SIPA1L2: variants seen among roughly 807,000 people sequenced by gnomAD.
SIPA1L2 encodes the protein signal induced proliferation associated 1 like 2.
SIPA1L2 carries 56 observed loss-of-function variants against 163.9 expected under a neutral mutation model. The ratio of observed to expected loss-of-function variants is 0.34; its 90% CI spans 0.28 to 0.43. SIPA1L2 has a LOEUF of 0.43. Ranked by LOEUF, SIPA1L2 falls within the 20% of genes least tolerant of loss-of-function variation. The pLI is 1.00. For missense variants in SIPA1L2, 1,974 were observed against 2,193.5 expected (o/e 0.90, Z 2.00); for synonymous variants, 877 against 865.7 (o/e 1.01, Z -0.23).
intron 16 of SIPA1L2, 68 bp from the exon 17 acceptor site, chr1:232,428,632 C>A: frequency 7.9e-7 from 1 of 1,273,504 alleles, no homozygotes; most frequent in Non-Finnish European, 1.0e-6. Context: ...AGAATTAAAA[C>A]CTAGGAAGCA....
At chr1:232,540,716 G>A (rs1657603886) in intron 2 of SIPA1L2, among the ~76,000 whole-genome samples, 1 of 151,902 alleles carries the variant, frequency 6.6e-6, no homozygotes, top group Admixed American at 6.6e-5. Flanking sequence ...AAAGAAATCA[G>A]GCAAATGCAA....
At position 232,432,240 on chromosome 1, in the gene SIPA1L2, A is replaced by G. The variant is rs780520105; in HGVS notation, c.4256+7T>C. 1.2e-6 allele frequency: 2 copies of G among 1,612,432 alleles called. No homozygotes were observed. The highest frequency in any genetic ancestry group is 2.7e-5 in the African/African-American group (2 of 74,924). ...GCTGACCAGAGAAGAACAGCCAGCC[A>G]CCTTACCCGGGACATTCAGTCACTT... On this transcript the variant is annotated splice_region_variant and intron_variant, in intron 16 of 22. Transcript: ENST00000674635.
rs1224829656 is a variant in SIPA1L2 at position 232,630,042 on chromosome 1, G to C, written c.-492C>G. 6.7e-6 allele frequency among the ~76,000 whole-genome samples: 1 copy of C among 149,970 alleles called. No homozygotes were observed. Among genetic ancestry groups the C allele is most frequent in the Non-Finnish European group, 1.5e-5 (1 of 67,230 alleles). On this transcript the variant is annotated 5_prime_UTR_variant, in exon 1 of 23. Coordinates refer to ENST00000674635, the MANE Select transcript of SIPA1L2 (RefSeq NM_020808.5). ...CCCGCTGGCTGCGGCTGGAGCTCTC[G>C]GCCTGCGCTCGGGCGGCCGGCGGGG... is the stretch of plus-strand genomic sequence containing the variant.
chr1:232,624,008 ATCT>A (rs1374157130), intron 1 of SIPA1L2, among the ~76,000 whole-genome samples: 8 of 152,126 alleles, frequency 5.3e-5, no homozygotes, highest in Admixed American at 5.2e-4. Flanking sequence ...TTTAATATTA[ATCT>A]TCTTAAAATG....
chr1:232,581,403 G>A (rs1280494686), intron 1 of SIPA1L2, among the ~76,000 whole-genome samples: 1 of 152,174 alleles, frequency 6.6e-6, no homozygotes, highest in African/African-American at 2.4e-5. Context: ...ATAGATCACA[G>A]AGAAAGGGCT....
intron 2 of SIPA1L2, among the ~76,000 whole-genome samples, chr1:232,531,976 C>T (rs1473421690): frequency 6.6e-6 from 1 of 152,130 alleles, no homozygotes; most frequent in Non-Finnish European, 1.5e-5. Flanking sequence ...GGGCTCAGAT[C>T]CGGGAGGGAC....
chr1:232,445,871 C>T (rs1294047432), intron 10 of SIPA1L2, 85 bp from the exon 11 acceptor site: 1 of 1,495,210 alleles, frequency 6.7e-7, no homozygotes, highest in Admixed American at 1.9e-5. Flanking sequence ...CCCCTCAACA[C>T]ACATCACATG....
At chr1:232,506,914 A>G (rs577562200) in intron 3 of SIPA1L2, among the ~76,000 whole-genome samples, 1 of 152,292 alleles carries the variant, frequency 6.6e-6, no homozygotes, top group South Asian at 2.1e-4. Flanking sequence ...TTATTTCAGA[A>G]TTCTTTTAGA....
chr1:232,542,862 C>G (rs1044471356), intron 2 of SIPA1L2, among the ~76,000 whole-genome samples: 2 of 152,208 alleles, frequency 1.3e-5, no homozygotes, highest in Non-Finnish European at 2.9e-5. Context: ...ATATACTCCT[C>G]TCTGTGTGTC....
chr1:232,630,097 C>T lies in SIPA1L2; in HGVS notation c.-547G>A, dbSNP rs1433187077. Among the ~76,000 whole-genome samples, 1 of 151,054 alleles carries T rather than the reference C, an allele frequency of 6.6e-6. No individual in the cohort carries two copies. Among genetic ancestry groups the T allele is most frequent in the South Asian group, 2.1e-4 (1 of 4,832 alleles). On this transcript the variant is annotated 5_prime_UTR_variant, in exon 1 of 23. Coordinates refer to ENST00000674635, the MANE Select transcript of SIPA1L2 (RefSeq NM_020808.5). The stretch of plus-strand genomic sequence containing the variant: ...GGTGCTCCTCCTCCGTCCTCCTCCT[C>T]CTCTCGCTCCGCCAGCTCCTCCCGG...
At chr1:232,498,410 T>C (rs921941637) in intron 3 of SIPA1L2, among the ~76,000 whole-genome samples, 8 of 152,214 alleles carry the variant, frequency 5.3e-5, no homozygotes, top group African/African-American at 1.9e-4. Context: ...GGAACTTACA[T>C]GGCAAGAGAC....
intron 1 of SIPA1L2, among the ~76,000 whole-genome samples, chr1:232,584,913 T>C (rs1397652451): frequency 6.6e-6 from 1 of 152,254 alleles, no homozygotes; most frequent in Non-Finnish European, 1.5e-5. Context: ...GTTATATAAC[T>C]ATGTTGCCAT....
chr1:232,607,501 T>C (rs181058704), intron 1 of SIPA1L2, among the ~76,000 whole-genome samples: 25 of 152,220 alleles, frequency 1.6e-4, no homozygotes, highest in Non-Finnish European at 2.4e-4. Flanking sequence ...GTGGGGTAAA[T>C]TGCCCATCCC....
chr1:232,429,363 G>A (rs1662091758), intron 16 of SIPA1L2, among the ~76,000 whole-genome samples: 1 of 152,190 alleles, frequency 6.6e-6, no homozygotes, highest in Admixed American at 6.5e-5. Context: ...GCTGGAGAAT[G>A]ACCTGAATGT....
chr1:232,413,609 TA>T (rs1661080266), intron 19 of SIPA1L2, among the ~76,000 whole-genome samples: 1 of 152,220 alleles, frequency 6.6e-6, no homozygotes, highest in Non-Finnish European at 1.5e-5. Context: ...CTGGGCTGTG[TA>T]AAACTGTGTG....
At chr1:232,498,454 A>G (rs1666308846) in intron 3 of SIPA1L2, among the ~76,000 whole-genome samples, 1 of 152,210 alleles carries the variant, frequency 6.6e-6, no homozygotes, top group South Asian at 2.1e-4. Context: ...AAATTTCCAA[A>G]TTTCTAAAAA....
chr1:232,439,368 GTA>G lies in SIPA1L2; in HGVS notation c.3769_3770del (p.Tyr1257HisfsTer42). The G allele has an allele frequency of 6.2e-7, 1 of 1,614,204 alleles. No homozygotes were observed. The highest frequency in any genetic ancestry group is 8.5e-7 in the Non-Finnish European group (1 of 1,180,038). ...CACTGTCGGTGGAGGCCCCTTTGAT[GTA>G]GGTCAGCCCCAGTAATTCGGGGTCC... ...LMDPELLGLT[Y>X]IKGASTDSGI... On this transcript the variant is annotated frameshift_variant, in exon 15 of 23. Coordinates refer to ENST00000674635, the MANE Select transcript of SIPA1L2 (RefSeq NM_020808.5). LOFTEE classifies it high-confidence loss of function.
chr1:232,439,345 C>T lies in SIPA1L2; in HGVS notation c.3794G>A (p.Ser1265Asn). 6.2e-7 allele frequency: 1 copy of T among 1,614,234 alleles called. No homozygotes were observed. Among genetic ancestry groups the T allele is most frequent in the Non-Finnish European group, 8.5e-7 (1 of 1,180,040 alleles). ...LTYIKGASTD[S>N]GIDTAPCMPA... ...CATGCAGGGGGCCGTGTCGATGCCA[C>T]TGTCGGTGGAGGCCCCTTTGATGTA... Residue 1265 changes from serine (S) to asparagine (N), a missense_variant, in exon 15 of 23, where the codon AGT becomes AAT. Ser to Asn is a conservative substitution (Grantham distance 46, BLOSUM62 1). This residue lies in a region of SIPA1L2 where 1,079 missense variants were observed against 1,150.7 expected (regional missense o/e 0.94). Transcript: ENST00000674635.
At position 232,402,426 on chromosome 1, in the gene SIPA1L2, A is replaced by G; in HGVS notation, c.4988T>C (p.Leu1663Ser). 1 of 1,613,736 alleles carries G rather than the reference A, an allele frequency of 6.2e-7. No homozygotes were observed. ...PLTGKVNQLELILRQLQTDLR... is the reference protein window; with the variant it reads ...PLTGKVNQLESILRQLQTDLR... Reference sequence around the variant, plus strand: ...GTCGGTCTGGAGTTGTCGAAGAATTAATTCCAGCTGATTGACTTTCCCGGT... The same window carrying G: ...GTCGGTCTGGAGTTGTCGAAGAATTGATTCCAGCTGATTGACTTTCCCGGT... The change falls in exon 22 of 23, where the codon TTA becomes TCA. Residue 1663 changes from leucine to serine, a missense_variant. Coordinates refer to ENST00000674635, the MANE Select transcript of SIPA1L2 (RefSeq NM_020808.5).
Sources: gnomAD v4.1 joint callset for allele counts (sites outside exome capture counted in the v4.1 genomes callset) on GRCh38, gnomAD v4.1.1 for gene constraint, gnomAD v4.1.1 regional missense constraint, MANE v1.5 for transcripts, NCBI Gene and HGNC (gene_info 2026-07-23, HGNC 2026-07-21) for gene names.